Variants in PPP2R2B observed in about 807,000 individuals in gnomAD.
PPP2R2B encodes serine/threonine-protein phosphatase 2A 55 kDa regulatory subunit B beta isoform.
PPP2R2B carries 5 observed loss-of-function variants against 46.0 expected under a neutral mutation model. That is an observed-to-expected ratio of 0.11 (90% CI 0.06 to 0.23). The LOEUF (loss-of-function observed/expected upper bound fraction) is 0.23. Ranked by LOEUF, PPP2R2B falls within the 10% of genes least tolerant of loss-of-function variation. The pLI is 1.00. For synonymous variants in PPP2R2B, 215 were observed against 206.7 expected, an observed-to-expected ratio of 1.04 and a Z score of -0.34; for missense variants, 367 against 575.0, an observed-to-expected ratio of 0.64 and a Z score of 3.70.
intron 5 of PPP2R2B, among the ~76,000 whole-genome samples, chr5:146,686,277 A>C (rs1778495651): frequency 6.6e-6 from 1 of 152,190 alleles, no homozygotes; most frequent in African/African-American, 2.4e-5. Flanking sequence ...GGGGGTGAAG[A>C]GGAGGCAGAC....
At chr5:146,887,753 A>C (rs530499996) in intron 1 of PPP2R2B, among the ~76,000 whole-genome samples, 1 of 152,318 alleles carries the variant, frequency 6.6e-6, no homozygotes, top group Non-Finnish European at 1.5e-5. Context: ...GCCAGATGTC[A>C]CTGCCAAAAG....
intron 2 of PPP2R2B, among the ~76,000 whole-genome samples, chr5:146,738,574 C>T (rs2151217217): frequency 6.6e-6 from 1 of 152,170 alleles, no homozygotes; most frequent in East Asian, 1.9e-4. Flanking sequence ...TACATCTTTA[C>T]TCCCCAAAGT....
intron 2 of PPP2R2B, among the ~76,000 whole-genome samples, chr5:146,803,139 T>A (rs1196327691): frequency 6.6e-6 from 1 of 152,206 alleles, no homozygotes; most frequent in Non-Finnish European, 1.5e-5. Flanking sequence ...CCTAATGCCA[T>A]CCACACCTAA....
intron 5 of PPP2R2B, among the ~76,000 whole-genome samples, chr5:146,681,714 G>A (rs1778185063): frequency 6.6e-6 from 1 of 152,146 alleles, no homozygotes. Context: ...TTGGAATGGT[G>A]ACAAGATCCT....
chr5:146,740,113 CCT>C (rs1436986591), intron 2 of PPP2R2B, among the ~76,000 whole-genome samples: 2 of 152,214 alleles, frequency 1.3e-5, no homozygotes, highest in East Asian at 3.9e-4. Context: ...GTTTGGGAGC[CCT>C]CTCTAGCTAG....
chr5:146,873,521 T>C (rs982943306), intron 2 of PPP2R2B, among the ~76,000 whole-genome samples: 1 of 152,212 alleles, frequency 6.6e-6, no homozygotes, highest in Non-Finnish European at 1.5e-5. Flanking sequence ...CCAGTCTTTT[T>C]TTCCCCCAAC....
intron 1 of PPP2R2B, among the ~76,000 whole-genome samples, chr5:146,886,076 C>T (rs561295459): frequency 1.3e-5 from 2 of 152,280 alleles, no homozygotes; most frequent in South Asian, 4.1e-4. Flanking sequence ...CGGTGGCTCA[C>T]GCCTGTAGCC....
At chr5:147,046,641 G>C (rs745701112) in intron 1 of PPP2R2B, among the ~76,000 whole-genome samples, 1 of 152,160 alleles carries the variant, frequency 6.6e-6, no homozygotes, top group South Asian at 2.1e-4. Flanking sequence ...TATGTTACAG[G>C]CAAACAGTAG....
intron 6 of PPP2R2B, among the ~76,000 whole-genome samples, chr5:146,643,606 A>C (rs1196270956): frequency 2.0e-5 from 3 of 152,100 alleles, no homozygotes; most frequent in Admixed American, 6.5e-5. Context: ...GGTGGGAAGG[A>C]GGTGAGGGAT....
chr5:146,892,923 G>T (rs1762534465), intron 1 of PPP2R2B, among the ~76,000 whole-genome samples: 1 of 152,154 alleles, frequency 6.6e-6, no homozygotes, highest in Non-Finnish European at 1.5e-5. Context: ...CTGCACTCAG[G>T]CATTCTGCTT....
chr5:146,692,910 T>C (rs1261375886), intron 4 of PPP2R2B, among the ~76,000 whole-genome samples: 1 of 152,182 alleles, frequency 6.6e-6, no homozygotes, highest in Non-Finnish European at 1.5e-5. Context: ...GGGCTTGCCT[T>C]ATCAGATCCA....
intron 1 of PPP2R2B, among the ~76,000 whole-genome samples, chr5:146,887,666 T>C (rs936937530): frequency 6.6e-6 from 1 of 152,222 alleles, no homozygotes; most frequent in African/African-American, 2.4e-5. Context: ...ATCACTGTTA[T>C]AGTTACCATC....
At chr5:147,053,992 A>G (rs1756953979) in intron 1 of PPP2R2B, among the ~76,000 whole-genome samples, 2 of 152,192 alleles carry the variant, frequency 1.3e-5, no homozygotes, top group Admixed American at 6.5e-5. Flanking sequence ...ACAAATTTAA[A>G]TACATGCCTT....
intron 2 of PPP2R2B, among the ~76,000 whole-genome samples, chr5:147,079,268 C>T (rs543749647): frequency 2.7e-5 from 4 of 150,878 alleles, no homozygotes; most frequent in Non-Finnish European, 5.9e-5. Flanking sequence ...GAAATCTGCT[C>T]TCCCATGTTT....
chr5:146,970,818 T>A lies in PPP2R2B; in HGVS notation c.79+84847A>T, dbSNP rs1125315. On this transcript the variant is annotated intron_variant, in intron 1 of 8. Coordinates refer to the PPP2R2B transcript ENST00000336640. ...CCGTAAAACTTACAGTCACAATGAA[T>A]TTACTAACATTCTTTTCTAATCATA... is the stretch of plus-strand genomic sequence containing the variant. Among the ~76,000 whole-genome samples the A allele has an allele frequency of 7.4e-3, 1,123 of 152,238 alleles. 11 individuals carry two copies. The highest frequency in any genetic ancestry group is 0.026 in the African/African-American group (1,073 of 41,544).
intron 1 of PPP2R2B, among the ~76,000 whole-genome samples, chr5:146,909,944 C>T (rs972179826): frequency 6.6e-6 from 1 of 152,220 alleles, no homozygotes; most frequent in African/African-American, 2.4e-5. Context: ...TGATTGACAT[C>T]CATTTATCTA....
At chr5:146,824,344 T>A (rs1758442672) in intron 2 of PPP2R2B, among the ~76,000 whole-genome samples, 1 of 152,200 alleles carries the variant, frequency 6.6e-6, no homozygotes, top group Non-Finnish European at 1.5e-5. Flanking sequence ...TCAATTTGTG[T>A]TCCTCATGAC....
At chr5:146,711,660 C>T (rs1253504628) in intron 2 of PPP2R2B, among the ~76,000 whole-genome samples, 1 of 152,132 alleles carries the variant, frequency 6.6e-6, no homozygotes, top group African/African-American at 2.4e-5. Context: ...TGAGCAAATA[C>T]ATCTGAGATG....
At chr5:146,884,735 T>C (rs1227576694) in intron 1 of PPP2R2B, among the ~76,000 whole-genome samples, 4 of 152,142 alleles carry the variant, frequency 2.6e-5, no homozygotes, top group African/African-American at 9.7e-5. Context: ...TGCAAGAAAG[T>C]TTTAGTTTAC....
Sources: allele counts gnomAD v4.1 joint callset (sites outside exome capture counted in the v4.1 genomes callset), GRCh38; gene constraint gnomAD v4.1.1; transcripts MANE v1.5; gene names NCBI Gene and HGNC (gene_info 2026-07-23, HGNC 2026-07-21).